Variants in RBFOX1 observed in about 807,000 individuals in gnomAD.
RBFOX1 encodes RNA binding fox-1 homolog 1.
A neutral mutation model predicts 57.7 loss-of-function variants in RBFOX1; 8 were observed. The ratio of observed to expected loss-of-function variants is 0.14; its 90% confidence interval spans 0.08 to 0.25. The LOEUF (loss-of-function observed/expected upper bound fraction) is 0.25. RBFOX1 is among the 10% of genes least tolerant of loss of function. RBFOX1 has a pLI of 1.00. For synonymous variants in RBFOX1, 326 were observed against 222.4 expected (o/e 1.47, Z -4.15); for missense variants, 611 against 548.5 (o/e 1.11, Z -1.14).
At chr16:7,292,246 TATATATG>T (rs1389096454) in intron 4 of RBFOX1, among the ~76,000 whole-genome samples, 2 of 96,016 alleles carry the variant, frequency 2.1e-5, no homozygotes, top group African/African-American at 4.9e-5. Flanking sequence ...TTATATATCA[TATATATG>T]ATATATGATA....
chr16:6,193,893 C>A (rs1426640772), intron 1 of RBFOX1, among the ~76,000 whole-genome samples: 1 of 152,118 alleles, frequency 6.6e-6, no homozygotes, highest in Non-Finnish European at 1.5e-5. Flanking sequence ...TGCATTGCCT[C>A]ATCTTCCTGT....
At chr16:7,065,705 G>A (rs962995400) in intron 4 of RBFOX1, among the ~76,000 whole-genome samples, 1 of 151,986 alleles carries the variant, frequency 6.6e-6, no homozygotes, top group African/African-American at 2.4e-5. Flanking sequence ...AATATAATAC[G>A]CTGTGATTAC....
At chr16:7,396,418 C>G (rs1023186362) in intron 4 of RBFOX1, among the ~76,000 whole-genome samples, 2 of 152,276 alleles carry the variant, frequency 1.3e-5, no homozygotes, top group East Asian at 1.9e-4. Context: ...CTGGATGACT[C>G]AGGGCATCTT....
chr16:6,716,015 C>G (rs1471923123), intron 3 of RBFOX1, among the ~76,000 whole-genome samples: 1 of 74,158 alleles, frequency 1.3e-5, no homozygotes, highest in East Asian at 3.2e-4. Flanking sequence ...ACTTCACAGC[C>G]TACATAAAGA....
intron 4 of RBFOX1, among the ~76,000 whole-genome samples, chr16:7,354,534 C>T (rs868375184): frequency 1.3e-5 from 2 of 152,182 alleles, no homozygotes; most frequent in African/African-American, 4.8e-5. Context: ...AAAAAAACTA[C>T]TTCCTAAAAC....
intron 3 of RBFOX1, among the ~76,000 whole-genome samples, chr16:6,856,463 C>T (rs940720307): frequency 6.6e-6 from 1 of 152,092 alleles, no homozygotes; most frequent in Non-Finnish European, 1.5e-5. Flanking sequence ...GAGCCACTGA[C>T]CTTTAAACCC....
intron 4 of RBFOX1, among the ~76,000 whole-genome samples, chr16:5,926,597 T>C (rs574774853): frequency 3.6e-4 from 55 of 152,280 alleles, no homozygotes; most frequent in Non-Finnish European, 6.0e-4. Flanking sequence ...TGTGTGACCT[T>C]GGAAAAATCA....
At chr16:7,079,335 C>G (rs80217988) in intron 4 of RBFOX1, among the ~76,000 whole-genome samples, 9 of 152,050 alleles carry the variant, frequency 5.9e-5, no homozygotes, top group Non-Finnish European at 1.2e-4. Flanking sequence ...GTGCATGTTC[C>G]TAAAAGAAGG....
chr16:7,094,431 A>G lies in RBFOX1; in HGVS notation c.27+42333A>G, dbSNP rs74815292. ...CATGGGAAGGAAAGGTAGGAAGAGA[A>G]AGCTTTGAAAATGATTTGGAGACAT... On this transcript the variant is annotated intron_variant, in intron 4 of 15. Coordinates refer to ENST00000550418, the MANE Select transcript of RBFOX1 (RefSeq NM_018723.4). 2.7e-3 allele frequency among the ~76,000 whole-genome samples: 408 copies of G among 152,250 alleles called. 2 individuals are homozygous for G. Among genetic ancestry groups the G allele is most frequent in the African/African-American group, 9.6e-3 (397 of 41,556 alleles).
chr16:7,384,201 A>G (rs2097839498), intron 4 of RBFOX1, among the ~76,000 whole-genome samples: 1 of 151,998 alleles, frequency 6.6e-6, no homozygotes, highest in African/African-American at 2.4e-5. Flanking sequence ...TATGAAATAT[A>G]TATGAAACAT....
intron 4 of RBFOX1, among the ~76,000 whole-genome samples, chr16:7,056,851 T>A (rs1352373484): frequency 2.0e-5 from 3 of 152,164 alleles, no homozygotes; most frequent in African/African-American, 7.2e-5. Flanking sequence ...AATGTGACTC[T>A]ATAGTCAGCA....
At chr16:7,579,331 A>C (rs1248746811) in intron 5 of RBFOX1, among the ~76,000 whole-genome samples, 1 of 152,164 alleles carries the variant, frequency 6.6e-6, no homozygotes, top group Non-Finnish European at 1.5e-5. Context: ...TCAGATTCTG[A>C]ACAGCGTCGG....
intron 3 of RBFOX1, among the ~76,000 whole-genome samples, chr16:5,832,537 A>G (rs1251778864): frequency 6.6e-6 from 1 of 152,238 alleles, no homozygotes; most frequent in Non-Finnish European, 1.5e-5. Flanking sequence ...CTTAGTTCAC[A>G]GCCTGGCATG....
At chr16:6,025,230 G>C (rs763254109) in intron 1 of RBFOX1, among the ~76,000 whole-genome samples, 1 of 152,220 alleles carries the variant, frequency 6.6e-6, no homozygotes, top group Non-Finnish European at 1.5e-5. Context: ...TCTATGACCA[G>C]ATTTGGTCTG....
chr16:6,264,259 G>C (rs1290397097), intron 1 of RBFOX1, among the ~76,000 whole-genome samples: 1 of 152,078 alleles, frequency 6.6e-6, no homozygotes, highest in Non-Finnish European at 1.5e-5. Context: ...GAAAAACTGA[G>C]GTCCAAGGAA....
At chr16:6,499,388 G>T (rs1335657812) in intron 2 of RBFOX1, among the ~76,000 whole-genome samples, 1 of 151,954 alleles carries the variant, frequency 6.6e-6, no homozygotes. Context: ...AAAAAAAAAG[G>T]TATGAAAAAT....
chr16:6,222,902 C>T (rs1393963416), intron 1 of RBFOX1, among the ~76,000 whole-genome samples: 5 of 151,766 alleles, frequency 3.3e-5, no homozygotes, highest in African/African-American at 1.2e-4. Context: ...CTTCTGTGTC[C>T]ATGTGTTCTC....
chr16:6,547,132 T>C (rs2096907669), intron 2 of RBFOX1, among the ~76,000 whole-genome samples: 2 of 152,216 alleles, frequency 1.3e-5, no homozygotes, highest in African/African-American at 4.8e-5. Flanking sequence ...CTGGCGCTCT[T>C]TTACTAAGAT....
chr16:7,604,705 C>G (rs142179185), intron 9 of RBFOX1, among the ~76,000 whole-genome samples: 470 of 152,272 alleles, frequency 3.1e-3, no homozygotes, highest in African/African-American at 0.011. Context: ...TCTGAGAGAT[C>G]TGGAATTTTT....
Sources: allele counts gnomAD v4.1 joint callset (sites outside exome capture counted in the v4.1 genomes callset), GRCh38; gene constraint gnomAD v4.1.1; transcripts MANE v1.5; gene names NCBI Gene and HGNC (gene_info 2026-07-23, HGNC 2026-07-21).